NELL1: variants seen among roughly 807,000 people sequenced by gnomAD.
NELL1 encodes protein kinase C-binding protein NELL1.
In NELL1, 76 loss-of-function variants were observed where a neutral mutation model predicts 107.4. The ratio of observed to expected loss-of-function variants is 0.71; its 90% CI spans 0.59 to 0.86. The LOEUF is 0.86. NELL1 is among the 40% of genes least tolerant of loss of function. The pLI, the probability that NELL1 is intolerant of heterozygous loss-of-function variation, is 0.00. For missense variants in NELL1, 1,024 were observed against 1,005.5 expected, an observed-to-expected ratio of 1.02 and a Z score of -0.25; for synonymous variants, 353 against 341.2, an observed-to-expected ratio of 1.03 and a Z score of -0.38.
At chr11:20,874,471 A>G in intron 4 of NELL1, among the ~76,000 whole-genome samples, 1 of 152,228 alleles carries the variant, frequency 6.6e-6, no homozygotes, top group Non-Finnish European at 1.5e-5. Flanking sequence ...ACTGAATAGT[A>G]TTTAGTCGAG....
chr11:21,338,435 G>A (rs1404105279), intron 14 of NELL1, among the ~76,000 whole-genome samples: 1 of 152,186 alleles, frequency 6.6e-6, no homozygotes, highest in Non-Finnish European at 1.5e-5. Context: ...ATGGACATGG[G>A]ATTCTCTGTA....
At chr11:21,313,727 G>T (rs1213515563) in intron 14 of NELL1, among the ~76,000 whole-genome samples, 1 of 152,098 alleles carries the variant, frequency 6.6e-6, no homozygotes, top group African/African-American at 2.4e-5. Context: ...AGAGGCTTTT[G>T]AGAAACAGCC....
intron 15 of NELL1, among the ~76,000 whole-genome samples, chr11:21,387,062 C>T (rs77696026): frequency 2.6e-5 from 4 of 151,958 alleles, no homozygotes; most frequent in Non-Finnish European, 1.5e-5. Context: ...TCCCTTCCCC[C>T]GACCATGTTT....
chr11:21,031,163 G>T (rs182181953), intron 12 of NELL1, among the ~76,000 whole-genome samples: 1 of 151,972 alleles, frequency 6.6e-6, no homozygotes, highest in Non-Finnish European at 1.5e-5. Flanking sequence ...ATAATGACTA[G>T]GTAACATTGC....
At chr11:21,531,006 T>C (rs1482501149) in intron 15 of NELL1, among the ~76,000 whole-genome samples, 1 of 152,126 alleles carries the variant, frequency 6.6e-6, no homozygotes. Flanking sequence ...TCTGTTTTCT[T>C]GGAAAATTTG....
intron 14 of NELL1, among the ~76,000 whole-genome samples, chr11:21,343,189 C>T (rs1406132028): frequency 6.6e-6 from 1 of 151,642 alleles, no homozygotes; most frequent in African/African-American, 2.4e-5. Context: ...AAATAAAGTC[C>T]AGACTCCCCA....
intron 16 of NELL1, among the ~76,000 whole-genome samples, chr11:21,540,014 G>A (rs150405310): frequency 7.9e-5 from 12 of 151,942 alleles, no homozygotes; most frequent in African/African-American, 2.9e-4. Flanking sequence ...GACCTAGATT[G>A]ACACCATTTT....
chr11:21,268,389 C>T (rs754149727), intron 14 of NELL1, among the ~76,000 whole-genome samples: 1 of 152,124 alleles, frequency 6.6e-6, no homozygotes, highest in African/African-American at 2.4e-5. Flanking sequence ...CTGTTCTTAA[C>T]AAAACCTGCC....
At chr11:21,289,489 A>G (rs1327348562) in intron 14 of NELL1, among the ~76,000 whole-genome samples, 1 of 152,186 alleles carries the variant, frequency 6.6e-6, no homozygotes, top group Non-Finnish European at 1.5e-5. Flanking sequence ...CCCAGATACT[A>G]TGCTTTTCCC....
chr11:21,442,388 A>G (rs1039688993), intron 15 of NELL1, among the ~76,000 whole-genome samples: 1 of 152,044 alleles, frequency 6.6e-6, no homozygotes, highest in African/African-American at 2.4e-5. Flanking sequence ...CATCTCAACC[A>G]CTGTTAATTT....
At chr11:21,543,109 A>G (rs1457097443) in intron 16 of NELL1, among the ~76,000 whole-genome samples, 5 of 151,986 alleles carry the variant, frequency 3.3e-5, no homozygotes, top group Admixed American at 3.3e-4. Context: ...CACTAATCCC[A>G]GAACACTCAT....
intron 12 of NELL1, among the ~76,000 whole-genome samples, chr11:21,012,116 C>T (rs935033146): frequency 1.3e-5 from 2 of 152,074 alleles, no homozygotes; most frequent in African/African-American, 2.4e-5. Flanking sequence ...ACATAGGCCA[C>T]CCCCAAGTTG....
rs569981136 is a variant in NELL1, at chr11:21,534,401, T to C, written c.1673T>C (p.Ile558Thr). 15 of 1,613,900 alleles carry C rather than the reference T, an allele frequency of 9.3e-6. No individual in the cohort carries two copies. Among genetic ancestry groups the C allele is most frequent in the South Asian group, 4.4e-5 (4 of 91,084 alleles). ...KDIDECSEGIIECHNHSRCVN... is the reference protein window; with the variant it reads ...KDIDECSEGITECHNHSRCVN... ...ATTGATGAATGTTCAGAGGGAATCA[T>C]TGAGTGCCACAACCATTCCCGCTGC... is the stretch of plus-strand genomic sequence containing the variant. Residue 558 changes from isoleucine (I) to threonine (T), a missense_variant, in exon 16 of 20, where the codon ATT becomes ACT. Ile to Thr is a moderately conservative substitution (Grantham distance 89). Transcript: ENST00000357134.
At chr11:21,097,533 G>A (rs1326990061) in intron 12 of NELL1, among the ~76,000 whole-genome samples, 1 of 150,742 alleles carries the variant, frequency 6.6e-6, no homozygotes, top group Non-Finnish European at 1.5e-5. Context: ...ATGTACTGGG[G>A]GAGGGGGATG....
At chr11:21,220,419 A>G (rs1857725653) in intron 13 of NELL1, among the ~76,000 whole-genome samples, 1 of 152,222 alleles carries the variant, frequency 6.6e-6, no homozygotes. Context: ...TGATATCAAC[A>G]TGTCATTAAT....
At chr11:21,496,599 C>T in intron 15 of NELL1, among the ~76,000 whole-genome samples, 1 of 151,826 alleles carries the variant, frequency 6.6e-6, no homozygotes, top group African/African-American at 2.4e-5. Flanking sequence ...TTAGTAGAGA[C>T]GGGGTTTCAC....
intron 14 of NELL1, among the ~76,000 whole-genome samples, chr11:21,353,369 T>C (rs758560736): frequency 6.6e-6 from 1 of 152,124 alleles, no homozygotes; most frequent in Non-Finnish European, 1.5e-5. Flanking sequence ...ATTTCACAAG[T>C]GAGGAAACTG....
intron 15 of NELL1, among the ~76,000 whole-genome samples, chr11:21,372,553 C>T (rs1851379603): frequency 6.6e-6 from 1 of 151,876 alleles, no homozygotes; most frequent in Non-Finnish European, 1.5e-5. Flanking sequence ...ATTATTAGAA[C>T]TGAGAATAAA....
chr11:20,998,411 A>C (rs754987711), intron 12 of NELL1, among the ~76,000 whole-genome samples: 3 of 152,016 alleles, frequency 2.0e-5, no homozygotes, highest in Non-Finnish European at 4.4e-5. Context: ...TTTGTTTGTT[A>C]CCCCTTCTGA....
Sources: allele counts gnomAD v4.1 joint callset (sites outside exome capture counted in the v4.1 genomes callset), GRCh38; gene constraint gnomAD v4.1.1; transcripts MANE v1.5; gene names NCBI Gene and HGNC (gene_info 2026-07-23, HGNC 2026-07-21).